Variants in CA10 observed in about 807,000 individuals in gnomAD.
The protein encoded by CA10 is carbonic anhydrase 10 (inactive), also known as carbonic anhydrase-related protein 10.
CA10 carries 14 observed loss-of-function variants against 44.2 expected under a neutral mutation model. The ratio of observed to expected loss-of-function variants is 0.32; its 90% CI spans 0.21 to 0.50. The LOEUF is 0.50. Ranked by LOEUF, CA10 falls within the 20% of genes least tolerant of loss-of-function variation. The pLI, the probability that CA10 is intolerant of heterozygous loss-of-function variation, is 0.99. For missense variants in CA10, 350 were observed against 409.7 expected, an observed-to-expected ratio of 0.85 and a Z score of 1.26; for synonymous variants, 159 against 141.6, an observed-to-expected ratio of 1.12 and a Z score of -0.87.
chr17:51,928,902 T>C lies in CA10; in HGVS notation c.279+2088A>G, dbSNP rs899175046. 2.0e-5 allele frequency among the ~76,000 whole-genome samples: 3 copies of C among 152,286 alleles called. No individual in the cohort carries two copies. The East Asian group carries it at 5.8e-4, about 29-fold the overall frequency. The stretch of plus-strand genomic sequence containing the variant: ...ATTAGTTTATCACGACCAACTATAT[T>C]TTATTTTCTACCTTTCACAAATGCA... On this transcript the variant is annotated intron_variant, in intron 3 of 8. Transcript: ENST00000451037.
At chr17:51,708,449 G>A (rs534572597) in intron 4 of CA10, among the ~76,000 whole-genome samples, 5 of 152,364 alleles carry the variant, frequency 3.3e-5, no homozygotes, top group Non-Finnish European at 7.3e-5. Context: ...GGAACTCAAA[G>A]TAGAAAATAA....
At chr17:51,807,710 A>G (rs925672899) in intron 3 of CA10, among the ~76,000 whole-genome samples, 1 of 152,244 alleles carries the variant, frequency 6.6e-6, no homozygotes, top group Non-Finnish European at 1.5e-5. Flanking sequence ...TTCACAAAAC[A>G]AACATGGGTA....
chr17:51,859,327 C>T (rs1444194788), intron 3 of CA10, among the ~76,000 whole-genome samples: 1 of 152,156 alleles, frequency 6.6e-6, no homozygotes, highest in East Asian at 1.9e-4. Context: ...ATTGACACTG[C>T]TGCCTGGCCA....
chr17:51,840,760 C>T (rs1978312837), intron 3 of CA10, among the ~76,000 whole-genome samples: 1 of 151,982 alleles, frequency 6.6e-6, no homozygotes, highest in African/African-American at 2.4e-5. Context: ...GAGCGGAAGG[C>T]CAAGAAGTTT....
At chr17:52,148,821 G>GT (rs943522787) in intron 1 of CA10, among the ~76,000 whole-genome samples, 8 of 152,108 alleles carry the variant, frequency 5.3e-5, no homozygotes, top group South Asian at 4.2e-4. Context: ...GACCATTGCT[G>GT]TTTTTTTTAC....
At chr17:52,066,731 TAAAA>T (rs202124534) in intron 2 of CA10, among the ~76,000 whole-genome samples, 1 of 152,152 alleles carries the variant, frequency 6.6e-6, no homozygotes, top group East Asian at 1.9e-4. Context: ...CAGATGAAGA[TAAAA>T]AAACTTGTTG....
chr17:52,111,488 T>C (rs868036255), intron 1 of CA10, among the ~76,000 whole-genome samples: 13 of 152,130 alleles, frequency 8.5e-5, no homozygotes, highest in Admixed American at 3.3e-4. Flanking sequence ...ATGTGAAGGA[T>C]TGTCTTGTGG....
At chr17:52,080,726 T>C (rs989717019) in intron 1 of CA10, among the ~76,000 whole-genome samples, 3 of 151,926 alleles carry the variant, frequency 2.0e-5, no homozygotes, top group Non-Finnish European at 2.9e-5. Flanking sequence ...CTGCCCTTTT[T>C]CCCCCCGAAA....
intron 4 of CA10, among the ~76,000 whole-genome samples, chr17:51,679,682 C>G (rs1430144255): frequency 6.6e-6 from 1 of 152,050 alleles, no homozygotes; most frequent in Non-Finnish European, 1.5e-5. Context: ...GCCTCAGCCT[C>G]CCAAATGGAG....
At chr17:51,696,003 C>T (rs1368550530) in intron 4 of CA10, among the ~76,000 whole-genome samples, 2 of 152,176 alleles carry the variant, frequency 1.3e-5, no homozygotes, top group Admixed American at 1.3e-4. Context: ...CCTTGCATCC[C>T]AGGAAGGAAG....
chr17:52,036,487 C>T (rs762525128), intron 2 of CA10, among the ~76,000 whole-genome samples: 3 of 152,064 alleles, frequency 2.0e-5, no homozygotes, highest in Non-Finnish European at 2.9e-5. Context: ...TACCTGGTTT[C>T]TTGAAGGAGG....
chr17:51,966,162 G>A (rs1984072669), intron 2 of CA10, among the ~76,000 whole-genome samples: 1 of 151,816 alleles, frequency 6.6e-6, no homozygotes, highest in African/African-American at 2.4e-5. Flanking sequence ...CCAAGGAGGT[G>A]AGAGATCTCT....
chr17:51,796,588 G>A (rs574843896), intron 3 of CA10, among the ~76,000 whole-genome samples: 1 of 152,214 alleles, frequency 6.6e-6, no homozygotes. Flanking sequence ...GAATCCTAGA[G>A]CACTTTAACT....
At chr17:51,838,336 G>A (rs1978294034) in intron 3 of CA10, among the ~76,000 whole-genome samples, 1 of 152,102 alleles carries the variant, frequency 6.6e-6, no homozygotes, top group South Asian at 2.1e-4. Flanking sequence ...TTAATGTTCT[G>A]GCATATTTCA....
chr17:51,645,612 T>C (rs1567787177), intron 6 of CA10, among the ~76,000 whole-genome samples: 1 of 152,160 alleles, frequency 6.6e-6, no homozygotes, highest in Non-Finnish European at 1.5e-5. Flanking sequence ...TGAACCAAAG[T>C]TGGAATTAAG....
intron 3 of CA10, among the ~76,000 whole-genome samples, chr17:51,779,156 T>C (rs1184554918): frequency 6.6e-6 from 1 of 152,028 alleles, no homozygotes; most frequent in African/African-American, 2.4e-5. Context: ...ATAGGCACTG[T>C]TTTCCCTTTC....
chr17:52,060,877 G>A (rs1374309954), intron 2 of CA10, among the ~76,000 whole-genome samples: 2 of 152,148 alleles, frequency 1.3e-5, no homozygotes, highest in African/African-American at 4.8e-5. Flanking sequence ...TGGAAATTTA[G>A]ATAGTAACTT....
At chr17:52,063,602 C>A (rs1987451903) in intron 2 of CA10, among the ~76,000 whole-genome samples, 1 of 152,096 alleles carries the variant, frequency 6.6e-6, no homozygotes, top group African/African-American at 2.4e-5. Context: ...TAAAAAGAAC[C>A]TGGCAATTTC....
intron 3 of CA10, among the ~76,000 whole-genome samples, chr17:51,840,885 C>A (rs1454040832): frequency 6.6e-6 from 1 of 152,204 alleles, no homozygotes; most frequent in South Asian, 2.1e-4. Context: ...AGGCAGACTT[C>A]AGGGAGAACA....
Sources: allele counts gnomAD v4.1 joint callset (sites outside exome capture counted in the v4.1 genomes callset), GRCh38; gene constraint gnomAD v4.1.1; transcripts MANE v1.5; gene names NCBI Gene and HGNC (gene_info 2026-07-23, HGNC 2026-07-21).